NPFFR2: variants seen among roughly 807,000 people sequenced by gnomAD.
NPFFR2 encodes the protein G-protein coupled receptor 74.
NPFFR2 carries 15 observed loss-of-function variants against 13.1 expected under a neutral mutation model. The ratio of observed to expected loss-of-function variants is 1.15; its 90% confidence interval spans 0.77 to 1.76. The LOEUF (loss-of-function observed/expected upper bound fraction) is 1.76. Ranked by LOEUF, NPFFR2 falls within the 40% of genes most tolerant of loss-of-function variation. The probability of loss-of-function intolerance (pLI) is 0.00; values close to 1 mark genes in which losing one functional copy is unlikely to be tolerated. For missense variants in NPFFR2, 572 were observed against 503.5 expected, an observed-to-expected ratio of 1.14 and a Z score of -1.30; for synonymous variants, 190 against 175.7, an observed-to-expected ratio of 1.08 and a Z score of -0.65.
At chr4:72,052,883 G>A (rs946622197) in intron 1 of NPFFR2, among the ~76,000 whole-genome samples, 6 of 151,812 alleles carry the variant, frequency 4.0e-5, no homozygotes, top group African/African-American at 1.5e-4. Flanking sequence ...TTAATTTCAG[G>A]TCTTACATAA....
chr4:72,057,632 C>T (rs538051796), intron 1 of NPFFR2, among the ~76,000 whole-genome samples: 29 of 151,956 alleles, frequency 1.9e-4, no homozygotes, highest in Non-Finnish European at 3.8e-4. Flanking sequence ...TTTGCAAAGA[C>T]CCTTTTTCCA....
At chr4:72,081,041 A>T (rs761738772) in intron 1 of NPFFR2, among the ~76,000 whole-genome samples, 1 of 151,992 alleles carries the variant, frequency 6.6e-6, no homozygotes, top group East Asian at 1.9e-4. Flanking sequence ...GTCACTGCCA[A>T]CTCCTAGTGG....
rs951982384 is a variant in NPFFR2 at position 72,046,162 on chromosome 4, C to T, written c.-8+13962C>T. Among the ~76,000 whole-genome samples, 8 of 152,226 alleles carry T rather than the reference C, an allele frequency of 5.3e-5. 1 individual carries two copies. The highest frequency in any genetic ancestry group is 1.9e-4 in the African/African-American group (8 of 41,528). On this transcript the variant is annotated intron_variant, in intron 1 of 3. Transcript: ENST00000308744. ...GGATAGATTTGAGTCCTGGCCCTGT[C>T]ATAACTTTGGATAGTTACTTATACT... is the stretch of plus-strand genomic sequence containing the variant.
chr4:72,083,055 A>ATG (rs141729529), intron 1 of NPFFR2, among the ~76,000 whole-genome samples: 1,752 of 152,114 alleles, frequency 0.012, 19 homozygotes, highest in South Asian at 0.041. Context: ...TCATATGTAT[A>ATG]TGTGTGTGTG....
At chr4:72,140,976 G>A (rs1252080145) in intron 3 of NPFFR2, among the ~76,000 whole-genome samples, 2 of 151,760 alleles carry the variant, frequency 1.3e-5, no homozygotes, top group African/African-American at 4.8e-5. Context: ...CAACTTCTTG[G>A]TTTAGTCTTG....
intron 1 of NPFFR2, among the ~76,000 whole-genome samples, chr4:72,051,788 T>C (rs1359980800): frequency 6.6e-6 from 1 of 151,378 alleles, no homozygotes; most frequent in Non-Finnish European, 1.5e-5. Context: ...ATCAAATAGA[T>C]GCAATAAAAA....
chr4:72,075,972 C>CAT (rs1720416299), intron 1 of NPFFR2, among the ~76,000 whole-genome samples: 1 of 15,038 alleles, frequency 6.6e-5, no homozygotes, highest in East Asian at 8.9e-4. Context: ...CACACACACA[C>CAT]ACATACACAC....
intron 3 of NPFFR2, among the ~76,000 whole-genome samples, chr4:72,138,795 T>C (rs1304473582): frequency 6.6e-6 from 1 of 152,194 alleles, no homozygotes; most frequent in Admixed American, 6.6e-5. Context: ...GATTGCTGGG[T>C]CAAATGGTAT....
chr4:72,088,698 G>A lies in NPFFR2; in HGVS notation c.-7-39887G>A, dbSNP rs183365738. Among the ~76,000 whole-genome samples the A allele has an allele frequency of 5.2e-3, 796 of 152,122 alleles. 3 individuals are homozygous for A. The highest frequency in any genetic ancestry group is 0.014 in the Middle Eastern group (4 of 294). Reference sequence around the variant, plus strand: ...GCAGCAGGAGAGAGAGAGAGTAAAGGAGGGAGTGCCACTTTTAAAACCATC... The same window carrying A: ...GCAGCAGGAGAGAGAGAGAGTAAAGAAGGGAGTGCCACTTTTAAAACCATC... On this transcript the variant is annotated intron_variant, in intron 1 of 3. Transcript: ENST00000308744.
chr4:72,049,466 A>G (rs752438359), intron 1 of NPFFR2, among the ~76,000 whole-genome samples: 26 of 152,144 alleles, frequency 1.7e-4, no homozygotes, highest in African/African-American at 6.3e-4. Flanking sequence ...AAAAGGGCCT[A>G]GAAAATGATC....
intron 1 of NPFFR2, among the ~76,000 whole-genome samples, chr4:72,120,416 A>T (rs966501052): frequency 3.9e-5 from 6 of 152,206 alleles, no homozygotes; most frequent in African/African-American, 1.4e-4. Flanking sequence ...TAAGGGCCAG[A>T]CTGCCTCCTC....
intron 1 of NPFFR2, among the ~76,000 whole-genome samples, chr4:72,094,713 G>A (rs1180466805): frequency 6.6e-6 from 1 of 152,116 alleles, no homozygotes. Context: ...TATTTCCAGG[G>A]CTGAGAACTT....
At chr4:72,086,827 A>G (rs1215544334) in intron 1 of NPFFR2, among the ~76,000 whole-genome samples, 1 of 152,074 alleles carries the variant, frequency 6.6e-6, no homozygotes, top group East Asian at 1.9e-4. Flanking sequence ...AGCTCCATAT[A>G]AATGTAAGAT....
chr4:72,051,476 C>T (rs1040580626), intron 1 of NPFFR2, among the ~76,000 whole-genome samples: 14 of 151,178 alleles, frequency 9.3e-5, no homozygotes, highest in Non-Finnish European at 1.5e-4. Context: ...ACCAGAATCT[C>T]TGGGACACAT....
In NPFFR2 at chr4:72,067,161, G is replaced by A. The variant is rs112650628; in HGVS notation, c.-8+34961G>A. 5.1e-3 allele frequency among the ~76,000 whole-genome samples: 778 copies of A among 152,306 alleles called. 2 individuals carry two copies. Among genetic ancestry groups the A allele is most frequent in the African/African-American group, 0.018 (742 of 41,572 alleles). ...TCTGTGAGCCTGTTGAATTAGCATC[G>A]TGTGGATGGATTCTCCTGTTTATAG... is the stretch of plus-strand genomic sequence containing the variant. On this transcript the variant is annotated intron_variant, in intron 1 of 3. Transcript: ENST00000308744.
chr4:72,076,584 G>A (rs1466269617), intron 1 of NPFFR2, among the ~76,000 whole-genome samples: 1 of 152,114 alleles, frequency 6.6e-6, no homozygotes, highest in Non-Finnish European at 1.5e-5. Flanking sequence ...CAGATTCAGT[G>A]GAAAATAGAG....
intron 2 of NPFFR2, among the ~76,000 whole-genome samples, chr4:72,136,633 G>A (rs552819917): frequency 4.8e-4 from 73 of 152,082 alleles, no homozygotes; most frequent in Non-Finnish European, 6.0e-4. Context: ...ACATACTGCC[G>A]TAGGAATGTA....
intron 1 of NPFFR2, among the ~76,000 whole-genome samples, chr4:72,032,821 G>A (rs1283835681): frequency 6.6e-6 from 1 of 152,132 alleles, no homozygotes; most frequent in Non-Finnish European, 1.5e-5. Context: ...TTAGGGTCTG[G>A]AGGAGAGGAA....
chr4:72,132,839 T>G (rs1470749442), intron 2 of NPFFR2, among the ~76,000 whole-genome samples: 1 of 152,208 alleles, frequency 6.6e-6, no homozygotes, highest in Non-Finnish European at 1.5e-5. Context: ...CACTTTTTAA[T>G]GGGGTTGTTT....
Sources: gnomAD v4.1 joint callset for allele counts (sites outside exome capture counted in the v4.1 genomes callset) on GRCh38, gnomAD v4.1.1 for gene constraint, MANE v1.5 for transcripts, NCBI Gene and HGNC (gene_info 2026-07-23, HGNC 2026-07-21) for gene names.